Variants in DIP2B observed in about 807,000 individuals in gnomAD.
DIP2B encodes the protein DIP2 acetate--CoA ligase B (putative).
A neutral mutation model predicts 198.0 loss-of-function variants in DIP2B; 76 were observed. The ratio of observed to expected loss-of-function variants is 0.38; its 90% CI spans 0.32 to 0.46. The LOEUF is 0.46. Ranked by LOEUF, DIP2B falls within the 20% of genes least tolerant of loss-of-function variation. The pLI is 0.99. For synonymous variants in DIP2B, 701 were observed against 739.1 expected (o/e 0.95, Z 0.84); for missense variants, 1,559 against 1,978.4 (o/e 0.79, Z 4.02).
At chr12:50,668,898 T>A (rs1195567705) in intron 4 of DIP2B, among the ~76,000 whole-genome samples, 1 of 152,220 alleles carries the variant, frequency 6.6e-6, no homozygotes, top group Non-Finnish European at 1.5e-5. Flanking sequence ...ATGCTTTCCT[T>A]AAAGGGGTAC....
At chr12:50,591,847 T>C (rs1355286934) in intron 1 of DIP2B, among the ~76,000 whole-genome samples, 1 of 151,882 alleles carries the variant, frequency 6.6e-6, no homozygotes, top group Non-Finnish European at 1.5e-5. Context: ...TAAAACGATA[T>C]TGTTTATTAA....
At chr12:50,525,513 C>CA (rs1004857804) in intron 1 of DIP2B, among the ~76,000 whole-genome samples, 3 of 139,360 alleles carry the variant, frequency 2.2e-5, no homozygotes, top group African/African-American at 7.9e-5. Flanking sequence ...TCTAGGTCCC[C>CA]TTTTTTTTTT....
At chr12:50,683,390 T>G in intron 10 of DIP2B, 142 bp downstream of exon 10, 1 of 625,480 alleles carries the variant, frequency 1.6e-6, no homozygotes, top group Non-Finnish European at 2.7e-6. Flanking sequence ...ACAGGAAATT[T>G]GTAGAAAAAT....
In DIP2B at chr12:50,505,205, C is replaced by T. The variant is rs1351054893; in HGVS notation, c.65C>T (p.Ala22Val). The T allele has an allele frequency of 2.0e-6, 3 of 1,521,636 alleles. No homozygotes were observed. The highest frequency in any genetic ancestry group is 1.2e-5 in the South Asian group (1 of 83,110). The allele number at this position is 1,521,636 out of a possible 1,614,324, so 94.3% of individuals were successfully genotyped here. ...GCGGCGCTGCCGCCTGAAGTGCGGGCGCAGCTGGCGGAGCTGGAGCTGGAG... is the reference window on the plus strand; with the variant it reads ...GCGGCGCTGCCGCCTGAAGTGCGGGTGCAGCTGGCGGAGCTGGAGCTGGAG... ...AVAALPPEVR[A>V]QLAELELELS... is the part of the protein sequence containing the mutation. Residue 22 changes from alanine to valine, a missense_variant, in exon 1 of 38, where the codon GCG (alanine) becomes GTG (valine). Transcript: ENST00000301180.
chr12:50,658,856 A>G (rs1022386465), intron 3 of DIP2B, among the ~76,000 whole-genome samples: 1 of 152,164 alleles, frequency 6.6e-6, no homozygotes, highest in Non-Finnish European at 1.5e-5. Context: ...TAGTAGGCCG[A>G]GGCGGGCAGA....
intron 30 of DIP2B, among the ~76,000 whole-genome samples, chr12:50,728,984 A>T (rs909017698): frequency 6.6e-6 from 1 of 152,186 alleles, no homozygotes; most frequent in Non-Finnish European, 1.5e-5. Flanking sequence ...TTCTCGGATG[A>T]AATATGTCAT....
rs1939784201 is a variant in DIP2B at position 50,718,941 on chromosome 12, G to T, written c.2962-14G>T. 6.2e-7 allele frequency: 1 copy of T among 1,614,050 alleles called. No homozygotes were observed. Among genetic ancestry groups the T allele is most frequent in the Admixed American group, 1.7e-5 (1 of 59,990 alleles). ...TTGCTGACCCTGAGTCCTTTTTCTG[G>T]TTTATGACTTCAGCACCAGTTTCTG... On this transcript the variant is annotated splice_polypyrimidine_tract_variant and intron_variant, in intron 24 of 37. Coordinates refer to ENST00000301180, the MANE Select transcript of DIP2B (RefSeq NM_173602.3).
intron 27 of DIP2B, 47 bp from the exon 28 acceptor site, chr12:50,724,728 T>C (rs376600553): frequency 4.5e-6 from 7 of 1,570,880 alleles, no homozygotes; most frequent in Non-Finnish European, 6.1e-6. Flanking sequence ...TGGTGCCATG[T>C]TGGGGCTGAG....
Position 50,744,841 on chromosome 12 carries a change from C to T in DIP2B, c.*2C>T. On this transcript the variant is annotated 3_prime_UTR_variant, in exon 38 of 38. Coordinates refer to ENST00000301180, the MANE Select transcript of DIP2B (RefSeq NM_173602.3). ...ATCTACGTGGCTTATAACATGTAAC[C>T]AGCCTTGTGGGGACTGCAGTGGGCC... The T allele has an allele frequency of 6.2e-7, 1 of 1,613,996 alleles. No individual in the cohort carries two copies. The highest frequency in any genetic ancestry group is 8.5e-7 in the Non-Finnish European group (1 of 1,179,926).
In DIP2B at chr12:50,602,713, G is replaced by T. The variant is rs140489686; in HGVS notation, c.101-23263G>T. On this transcript the variant is annotated intron_variant, in intron 1 of 37. Coordinates refer to ENST00000301180, the MANE Select transcript of DIP2B (RefSeq NM_173602.3). ...GTCTCTACTAAAAATACAAAACTTA[G>T]CTGGGCATGGTGGTGCACACCTGTA... Among the ~76,000 whole-genome samples the T allele has an allele frequency of 2.9e-3, 439 of 150,002 alleles. 5 individuals are homozygous for T. The highest frequency in any genetic ancestry group is 0.01 in the African/African-American group (417 of 40,658).
At chr12:50,632,348 G>A (rs867833810) in intron 2 of DIP2B, among the ~76,000 whole-genome samples, 11 of 150,742 alleles carry the variant, frequency 7.3e-5, no homozygotes, top group African/African-American at 2.7e-4. Flanking sequence ...GCATGGTGTC[G>A]CATGCCTGTA....
chr12:50,563,870 G>T (rs1001116158), intron 1 of DIP2B, among the ~76,000 whole-genome samples: 16 of 145,720 alleles, frequency 1.1e-4, no homozygotes, highest in African/African-American at 3.9e-4. Context: ...ATTTTAGCAG[G>T]ATATTTGCTG....
intron 1 of DIP2B, among the ~76,000 whole-genome samples, chr12:50,579,718 T>C (rs11169500): frequency 0.25 from 21,935 of 86,588 alleles, 4,817 homozygotes; most frequent in East Asian, 0.73. Context: ...TATATATATA[T>C]ACATAGCTTC....
intron 1 of DIP2B, among the ~76,000 whole-genome samples, chr12:50,566,452 G>A (rs185260635): frequency 3.3e-5 from 5 of 152,278 alleles, no homozygotes; most frequent in Admixed American, 6.5e-5. Context: ...TACATATAAT[G>A]TGTCTTTTTT....
intron 7 of DIP2B, among the ~76,000 whole-genome samples, chr12:50,677,028 T>G (rs951953905): frequency 9.9e-5 from 15 of 152,214 alleles, no homozygotes; most frequent in Admixed American, 2.0e-4. Context: ...TCCCCAGATT[T>G]GTCATTGAGC....
chr12:50,728,483 G>T, intron 29 of DIP2B, 65 bp from the exon 30 acceptor site: 1 of 1,552,744 alleles, frequency 6.4e-7, no homozygotes, highest in Non-Finnish European at 8.7e-7. Context: ...CAAAGCTGTC[G>T]TCAGAGCTGT....
In DIP2B at chr12:50,640,011, C is replaced by T. The variant is rs141551923; in HGVS notation, c.173-713C>T. Among the ~76,000 whole-genome samples, 23 of 152,168 alleles carry T rather than the reference C, an allele frequency of 1.5e-4. No homozygotes were observed. In the East Asian group the frequency reaches 2.9e-3, roughly 19 times the overall value. ...ATTAGTAAGTTCTGCTTTATAACAT[C>T]GTGCCTTATTAATACTAATAAGATA... On this transcript the variant is annotated intron_variant, in intron 2 of 37. Coordinates refer to ENST00000301180, the MANE Select transcript of DIP2B (RefSeq NM_173602.3).
At chr12:50,717,769 G>A (rs1939756670) in intron 23 of DIP2B, among the ~76,000 whole-genome samples, 1 of 150,814 alleles carries the variant, frequency 6.6e-6, no homozygotes, top group Admixed American at 6.6e-5. Flanking sequence ...TTTTGTATTT[G>A]TAGAGACAGG....
At chr12:50,622,524 T>G (rs1937833681) in intron 1 of DIP2B, among the ~76,000 whole-genome samples, 1 of 152,174 alleles carries the variant, frequency 6.6e-6, no homozygotes, top group African/African-American at 2.4e-5. Context: ...AAGCCATAAC[T>G]AACCACTGTT....
Sources: gnomAD v4.1 joint callset for allele counts (sites outside exome capture counted in the v4.1 genomes callset) on GRCh38, gnomAD v4.1.1 for gene constraint, MANE v1.5 for transcripts, NCBI Gene and HGNC (gene_info 2026-07-23, HGNC 2026-07-21) for gene names.